Variants in CNTN4 observed in about 807,000 individuals in gnomAD.
CNTN4 encodes contactin-4.
Under a neutral mutation model 122.5 loss-of-function variants are expected in CNTN4, and 77 were observed. The ratio of observed to expected loss-of-function variants is 0.63; its 90% CI spans 0.52 to 0.76. CNTN4 has a LOEUF of 0.76. CNTN4 is among the 30% of genes least tolerant of loss of function. The pLI, the probability that CNTN4 is intolerant of heterozygous loss-of-function variation, is 0.00. For missense variants in CNTN4, 1,256 were observed against 1,259.1 expected (o/e 1.00, Z 0.04); for synonymous variants, 512 against 447.0 (o/e 1.15, Z -1.83).
At chr3:2,460,912 C>T (rs1371304707) in intron 3 of CNTN4, among the ~76,000 whole-genome samples, 1 of 151,920 alleles carries the variant, frequency 6.6e-6, no homozygotes, top group East Asian at 1.9e-4. Context: ...CATGTAGCTT[C>T]CAGTTATGGA....
At chr3:3,032,876 C>G (rs1699293556) in intron 16 of CNTN4, among the ~76,000 whole-genome samples, 1 of 152,128 alleles carries the variant, frequency 6.6e-6, no homozygotes, top group African/African-American at 2.4e-5. Flanking sequence ...TTCCCTAAAA[C>G]AAAGTTGGTA....
At chr3:2,619,242 C>G (rs2081900709) in intron 4 of CNTN4, among the ~76,000 whole-genome samples, 1 of 152,152 alleles carries the variant, frequency 6.6e-6, no homozygotes, top group Non-Finnish European at 1.5e-5. Context: ...TCATGATTCC[C>G]AAAACAGTTT....
chr3:2,548,202 G>C (rs547110210), intron 3 of CNTN4, among the ~76,000 whole-genome samples: 16 of 152,184 alleles, frequency 1.1e-4, no homozygotes, highest in African/African-American at 3.9e-4. Flanking sequence ...GTCTATTTTG[G>C]CTTTTGTTGC....
chr3:2,966,049 T>A (rs564901320), intron 13 of CNTN4, among the ~76,000 whole-genome samples: 3 of 152,272 alleles, frequency 2.0e-5, no homozygotes, highest in South Asian at 4.2e-4. Flanking sequence ...AGGGAAGGGT[T>A]ATTTCCAATT....
chr3:2,850,931 A>G (rs1021562712), intron 7 of CNTN4, among the ~76,000 whole-genome samples: 1 of 152,198 alleles, frequency 6.6e-6, no homozygotes, highest in Non-Finnish European at 1.5e-5. Context: ...TGCTGTAGCA[A>G]CTAGAAATGC....
At chr3:2,741,170 A>C (rs577513695) in intron 5 of CNTN4, among the ~76,000 whole-genome samples, 2 of 152,326 alleles carry the variant, frequency 1.3e-5, no homozygotes, top group East Asian at 3.9e-4. Flanking sequence ...AATCAACTCT[A>C]CAACATGCTT....
chr3:2,781,319 A>T (rs1312188999), intron 6 of CNTN4, among the ~76,000 whole-genome samples: 2 of 152,226 alleles, frequency 1.3e-5, no homozygotes, highest in Non-Finnish European at 2.9e-5. Flanking sequence ...TTAACAAATC[A>T]AATGTAAAAT....
intron 4 of CNTN4, among the ~76,000 whole-genome samples, chr3:2,590,918 A>G (rs2080439656): frequency 1.3e-5 from 2 of 152,180 alleles, no homozygotes; most frequent in East Asian, 3.9e-4. Context: ...AATAAACTAT[A>G]AAAATTAAGG....
At chr3:2,371,312 A>G (rs80303207) in intron 3 of CNTN4, among the ~76,000 whole-genome samples, 4 of 152,294 alleles carry the variant, frequency 2.6e-5, no homozygotes, top group East Asian at 1.9e-4. Context: ...CACTTATTCA[A>G]GGTACTTACT....
intron 4 of CNTN4, among the ~76,000 whole-genome samples, chr3:2,592,706 C>G (rs370645144): frequency 1.3e-4 from 20 of 152,320 alleles, no homozygotes; most frequent in African/African-American, 4.6e-4. Context: ...AAACCTCTCT[C>G]TTTTGTAAAT....
intron 2 of CNTN4, among the ~76,000 whole-genome samples, chr3:2,332,833 C>G (rs932986406): frequency 6.6e-6 from 1 of 151,690 alleles, no homozygotes; most frequent in African/African-American, 2.4e-5. Context: ...ACATATGTAA[C>G]TAACCTGCAC....
At chr3:2,479,662 C>T (rs1433104957) in intron 3 of CNTN4, among the ~76,000 whole-genome samples, 1 of 152,140 alleles carries the variant, frequency 6.6e-6, no homozygotes, top group Non-Finnish European at 1.5e-5. Context: ...GCTGTAGCTT[C>T]CCTGGGTGTG....
chr3:2,881,021 C>T (rs2093902992), intron 8 of CNTN4, among the ~76,000 whole-genome samples: 2 of 152,064 alleles, frequency 1.3e-5, no homozygotes, highest in South Asian at 4.2e-4. Flanking sequence ...CCAAATCCAA[C>T]ACTCCTCATC....
intron 2 of CNTN4, among the ~76,000 whole-genome samples, chr3:2,233,152 A>C (rs934269275): frequency 1.3e-5 from 2 of 152,188 alleles, no homozygotes; most frequent in Non-Finnish European, 2.9e-5. Context: ...GAGCTATGAC[A>C]GTTATTAAAC....
At chr3:2,366,588 A>G (rs890769389) in intron 3 of CNTN4, among the ~76,000 whole-genome samples, 24 of 152,044 alleles carry the variant, frequency 1.6e-4, no homozygotes, top group African/African-American at 5.3e-4. Context: ...TTAGCCAGGC[A>G]TGGTGGCGGG....
intron 12 of CNTN4, among the ~76,000 whole-genome samples, chr3:2,916,250 AGG>A (rs764112992): frequency 2.0e-4 from 30 of 148,904 alleles, no homozygotes; most frequent in Non-Finnish European, 1.2e-4. Flanking sequence ...TTTCTCCGAG[AGG>A]GGGATTTGGC....
Position 2,864,279 on chromosome 3 carries a change from T to C in CNTN4, c.455-2473T>C, listed in dbSNP as rs116296491. Reference sequence around the variant, plus strand: ...ATAACGCAGATTTGAACTTTAGTCTTACTTTGTTGTTGTTGTTGTTCCTCT... The same window carrying C: ...ATAACGCAGATTTGAACTTTAGTCTCACTTTGTTGTTGTTGTTGTTCCTCT... On this transcript the variant is annotated intron_variant, in intron 7 of 24. Transcript: ENST00000418658. Among the ~76,000 whole-genome samples the C allele has an allele frequency of 1.2e-3, 184 of 152,288 alleles. 1 individual carries two copies. The highest frequency in any genetic ancestry group is 4.2e-3 in the African/African-American group (176 of 41,558).
chr3:2,450,615 T>C (rs9834992), intron 3 of CNTN4, among the ~76,000 whole-genome samples: 46,704 of 151,664 alleles, frequency 0.31, 7,869 homozygotes, highest in East Asian at 0.61. Context: ...CCTGTCCAGG[T>C]TTTTACCGGT....
intron 3 of CNTN4, among the ~76,000 whole-genome samples, chr3:2,458,989 G>A (rs1390720334): frequency 6.6e-6 from 1 of 152,138 alleles, no homozygotes; most frequent in East Asian, 1.9e-4. Flanking sequence ...AGACAGATGT[G>A]TGTGAATGTA....
Sources: allele counts gnomAD v4.1 joint callset (sites outside exome capture counted in the v4.1 genomes callset), GRCh38; gene constraint gnomAD v4.1.1; transcripts MANE v1.5; gene names NCBI Gene and HGNC (gene_info 2026-07-23, HGNC 2026-07-21).